IL1RAPL1: variants seen among roughly 807,000 people sequenced by gnomAD.
IL1RAPL1 encodes the protein interleukin 1 receptor accessory protein like 1.
IL1RAPL1 carries 3 observed loss-of-function variants against 48.4 expected under a neutral mutation model. The observed-to-expected ratio is 0.06, with a 90% CI of 0.03 to 0.16. IL1RAPL1 has a LOEUF of 0.16. IL1RAPL1 is among the 10% of genes least tolerant of loss of function. The pLI, the probability that IL1RAPL1 is intolerant of heterozygous loss-of-function variation, is 1.00. For missense variants in IL1RAPL1, 349 were observed against 530.6 expected (o/e 0.66, Z 3.36); for synonymous variants, 185 against 187.7 (o/e 0.99, Z 0.12).
chrX:28,923,594 G>A (rs1222477131), intron 2 of IL1RAPL1, among the ~76,000 whole-genome samples: 1 of 111,471 alleles, frequency 9.0e-6, no homozygotes, highest in Non-Finnish European at 1.9e-5. Context: ...AACTTACACT[G>A]AAATAAAATG....
intron 1 of IL1RAPL1, among the ~76,000 whole-genome samples, chrX:28,592,573 T>G (rs1226727695): frequency 1.8e-5 from 2 of 111,954 alleles, no homozygotes; most frequent in Non-Finnish European, 3.8e-5. Flanking sequence ...AGAATGATAT[T>G]TACATATATG....
intron 1 of IL1RAPL1, among the ~76,000 whole-genome samples, chrX:28,659,909 A>G (rs924369397): frequency 1.6e-4 from 18 of 110,865 alleles, no homozygotes; most frequent in South Asian, 3.8e-4. Flanking sequence ...AAAGTCAGTT[A>G]CTTTTGGGGA....
intron 5 of IL1RAPL1, among the ~76,000 whole-genome samples, chrX:29,650,111 G>A (rs1925467285): frequency 9.0e-6 from 1 of 111,720 alleles, no homozygotes; most frequent in Non-Finnish European, 1.9e-5. Flanking sequence ...ACAGAATCTT[G>A]ATGAAATAAA....
chrX:29,630,431 A>G (rs1270659144), intron 5 of IL1RAPL1, among the ~76,000 whole-genome samples: 3 of 112,055 alleles, frequency 2.7e-5, no homozygotes, highest in Non-Finnish European at 5.6e-5. Flanking sequence ...GTTGCTGTAG[A>G]TATCTAAATT....
At chrX:29,088,445 G>A (rs1252953124) in intron 2 of IL1RAPL1, among the ~76,000 whole-genome samples, 1 of 109,672 alleles carries the variant, frequency 9.1e-6, no homozygotes, top group East Asian at 2.9e-4. Flanking sequence ...GGAGGCCAAG[G>A]AGGGCAAATC....
intron 8 of IL1RAPL1, among the ~76,000 whole-genome samples, chrX:29,928,640 C>T (rs184453502): frequency 1.8e-5 from 2 of 111,932 alleles, no homozygotes; most frequent in African/African-American, 6.5e-5. Flanking sequence ...ACTGACTGAC[C>T]GCTGCCAGAA....
In IL1RAPL1 at chrX:29,022,012, G is replaced by A. The variant is rs1477353151; in HGVS notation, c.82+232587G>A. 4.5e-5 allele frequency among the ~76,000 whole-genome samples: 5 copies of A among 111,682 alleles called. No individual in the cohort carries two copies. The Admixed American group carries it at 4.8e-4, about 11-fold the overall frequency. ...AAACTCCCAGCAAAAGTAGAGAAAA[G>A]GTTAATTACCCCTTTCTGCACTTTT... On this transcript the variant is annotated intron_variant, in intron 2 of 10. Transcript: ENST00000378993.
intron 5 of IL1RAPL1, among the ~76,000 whole-genome samples, chrX:29,575,277 A>T (rs1006312268): frequency 8.9e-6 from 1 of 112,008 alleles, no homozygotes; most frequent in Non-Finnish European, 1.9e-5. Flanking sequence ...GAACTGGCTC[A>T]CATGAACCCA....
chrX:29,759,567 G>C (rs771891581), intron 6 of IL1RAPL1, among the ~76,000 whole-genome samples: 1 of 111,588 alleles, frequency 9.0e-6, no homozygotes, highest in East Asian at 2.8e-4. Context: ...AAACAGTATT[G>C]TTACTAAAAG....
intron 2 of IL1RAPL1, among the ~76,000 whole-genome samples, chrX:29,139,057 C>T (rs1929192629): frequency 9.0e-6 from 1 of 111,503 alleles, no homozygotes. Context: ...TCTGTATTTT[C>T]CAGGTGAACC....
In IL1RAPL1 at chrX:29,766,454, A is replaced by AAT. The variant is rs145689166; in HGVS notation, c.778+97961_778+97962dup. 7.8e-5 allele frequency among the ~76,000 whole-genome samples: 7 copies of AAT among 89,192 alleles called. No individual in the cohort carries two copies. The South Asian group carries it at 2.1e-3, about 26-fold the overall frequency. The allele number at this position is 89,192 out of a possible 115,157, so 77.5% of individuals were successfully genotyped here. A position where few individuals can be genotyped will look rare whatever the true frequency, so the allele number is the denominator to read the frequency against. On this transcript the variant is annotated intron_variant, in intron 6 of 10. Coordinates refer to ENST00000378993, the MANE Select transcript of IL1RAPL1 (RefSeq NM_014271.4). ...AAATATATATATATTTATATGTCCAAATATATATATATTTATATATCCAAA... is the reference window on the plus strand; with the variant it reads ...AAATATATATATATTTATATGTCCAAATATATATATATATTTATATATCCAAA...
intron 2 of IL1RAPL1, among the ~76,000 whole-genome samples, chrX:29,021,327 A>T (rs1254962437): frequency 9.2e-6 from 1 of 108,471 alleles, no homozygotes; most frequent in Non-Finnish European, 1.9e-5. Context: ...GGTTAAATTC[A>T]TGTGTCATTT....
chrX:29,144,274 T>C (rs1172392108), intron 2 of IL1RAPL1, among the ~76,000 whole-genome samples: 1 of 110,813 alleles, frequency 9.0e-6, no homozygotes, highest in African/African-American at 3.3e-5. Context: ...CTTATTGTAA[T>C]TATGTCAAGC....
chrX:29,630,565 G>A (rs1369405632), intron 5 of IL1RAPL1, among the ~76,000 whole-genome samples: 1 of 105,333 alleles, frequency 9.5e-6, no homozygotes, highest in East Asian at 2.9e-4. Context: ...TTGAGACAGA[G>A]TCTTGCTGTG....
chrX:29,251,917 A>G (rs968227858), intron 2 of IL1RAPL1, among the ~76,000 whole-genome samples: 2 of 111,337 alleles, frequency 1.8e-5, no homozygotes, highest in Admixed American at 9.6e-5. Flanking sequence ...CATATACACC[A>G]TGGAATACTA....
chrX:28,653,889 C>T (rs1025569803), intron 1 of IL1RAPL1, among the ~76,000 whole-genome samples: 3 of 111,745 alleles, frequency 2.7e-5, no homozygotes, highest in African/African-American at 9.8e-5. Context: ...CTCACAGGAA[C>T]CTGCATTTGG....
At chrX:28,946,563 T>C (rs1421837867) in intron 2 of IL1RAPL1, among the ~76,000 whole-genome samples, 1 of 111,591 alleles carries the variant, frequency 9.0e-6, no homozygotes, top group Non-Finnish European at 1.9e-5. Context: ...TGAGCCATAA[T>C]TATTAAAAAG....
intron 6 of IL1RAPL1, among the ~76,000 whole-genome samples, chrX:29,803,487 A>G (rs1569174417): frequency 2.0e-5 from 2 of 98,073 alleles, no homozygotes; most frequent in Non-Finnish European, 4.1e-5. Context: ...ATATATGTAT[A>G]CATCTATGTA....
intron 2 of IL1RAPL1, among the ~76,000 whole-genome samples, chrX:28,861,243 T>A (rs1157477847): frequency 9.0e-6 from 1 of 111,697 alleles, no homozygotes; most frequent in Non-Finnish European, 1.9e-5. Context: ...TGACAATCGA[T>A]CAGTCTGACT....
Sources: gnomAD v4.1 joint callset for allele counts (sites outside exome capture counted in the v4.1 genomes callset) on GRCh38, gnomAD v4.1.1 for gene constraint, MANE v1.5 for transcripts, NCBI Gene and HGNC (gene_info 2026-07-23, HGNC 2026-07-21) for gene names.